Variants in TTC7B observed in about 807,000 individuals in gnomAD.
TTC7B encodes tetratricopeptide repeat domain 7B.
In TTC7B, 28 loss-of-function variants were observed where a neutral mutation model predicts 106.8. The observed-to-expected ratio is 0.26, with a 90% CI of 0.19 to 0.36. TTC7B has a LOEUF of 0.36. Ranked by LOEUF, TTC7B falls within the 10% of genes least tolerant of loss-of-function variation. TTC7B has a pLI of 1.00. For synonymous variants in TTC7B, 405 were observed against 430.6 expected, an observed-to-expected ratio of 0.94 and a Z score of 0.74; for missense variants, 862 against 1,076.4, an observed-to-expected ratio of 0.80 and a Z score of 2.79.
rs1308140895 is a variant in TTC7B, at chr14:90,629,458, G to T, written c.1752-11413C>A. ...AGAGTAGAAATCAAAATGGATAACA[G>T]ATGAAACACAGGCAGACACAAGCTT... is the stretch of plus-strand genomic sequence containing the variant. On this transcript the variant is annotated intron_variant, in intron 15 of 19. Coordinates refer to ENST00000328459, the MANE Select transcript of TTC7B (RefSeq NM_001010854.2). 2.6e-5 allele frequency among the ~76,000 whole-genome samples: 4 copies of T among 152,208 alleles called. No homozygotes were observed. The South Asian group carries it at 8.3e-4, about 32-fold the overall frequency.
rs939652224 is a variant in TTC7B at position 90,527,190 on chromosome 14, C to T, written c.*14178G>A. On this transcript the variant is annotated 3_prime_UTR_variant, in exon 20 of 20. Transcript: ENST00000328459. ...TATCTGGGGGTACCTGGTATTCACA[C>T]GACTCATCACTGGGAATGCTGACCT... 9.2e-5 allele frequency: 14 copies of T among 151,968 alleles called. No homozygotes were observed. The highest frequency in any genetic ancestry group is 2.6e-4 in the Admixed American group (4 of 15,242). 9.4% of individuals were successfully genotyped at this position (151,968 alleles called of 1,614,324 possible).
chr14:90,690,409 G>C (rs1342616241), intron 6 of TTC7B, among the ~76,000 whole-genome samples: 1 of 152,186 alleles, frequency 6.6e-6, no homozygotes, highest in Non-Finnish European at 1.5e-5. Flanking sequence ...TCTGGATCCT[G>C]TCCTCCAAGT....
intron 14 of TTC7B, among the ~76,000 whole-genome samples, 162 bp from the exon 15 acceptor site, chr14:90,644,370 TTTATGGCAGCCCCAGGATA>T (rs1164967275): frequency 1.2e-4 from 19 of 152,206 alleles, no homozygotes; most frequent in African/African-American, 3.9e-4. Flanking sequence ...AAGCCAAATC[TTTATGGCAGCCCCAGGATA>T]TTAACCACAA....
chr14:90,622,398 C>T (rs868624831), intron 15 of TTC7B, among the ~76,000 whole-genome samples: 1 of 150,936 alleles, frequency 6.6e-6, no homozygotes, highest in South Asian at 2.2e-4. Flanking sequence ...GGATTACAGG[C>T]ATGAGCCACC....
In TTC7B at chr14:90,780,885, T is replaced by G. The variant is rs767362110; in HGVS notation, c.298A>C (p.Asn100His). The G allele has an allele frequency of 6.2e-7, 1 of 1,614,066 alleles. No individual in the cohort carries two copies. Among genetic ancestry groups the G allele is most frequent in the Non-Finnish European group, 8.5e-7 (1 of 1,180,034 alleles). Residue 100 changes from asparagine to histidine, a missense_variant, in exon 3 of 20, where the codon AAT becomes CAT. Asn to His is a moderately conservative substitution (Grantham distance 68, BLOSUM62 1). Coordinates refer to ENST00000328459, the MANE Select transcript of TTC7B (RefSeq NM_001010854.2). ...NLKSEFLQES[N>H]LIMAKLNYVE... Reference sequence around the variant, plus strand: ...TAATTCAACTTGGCCATGATCAGATTGGATTCTTGTAGGAATTCTGACTAG... The same window carrying G: ...TAATTCAACTTGGCCATGATCAGATGGGATTCTTGTAGGAATTCTGACTAG...
Position 90,767,042 on chromosome 14 carries a change from A to G in TTC7B, c.445+13696T>C, listed in dbSNP as rs552352147. 376 of 821,536 alleles carry G rather than the reference A, an allele frequency of 4.6e-4. 1 individual carries two copies. The highest frequency in any genetic ancestry group is 2.3e-3 in the East Asian group (83 of 35,922). The allele number at this position is 821,536 out of a possible 1,614,324, so 50.9% of individuals were successfully genotyped here. A position where few individuals can be genotyped will look rare whatever the true frequency, so the allele number is the denominator to read the frequency against. On this transcript the variant is annotated intron_variant, in intron 3 of 19. Coordinates refer to ENST00000328459, the MANE Select transcript of TTC7B (RefSeq NM_001010854.2). ...AGTTTATATACCAAAAAAAAAAAAA[A>G]AAAGAAAGAAAGGAAGAAAAGAAAT...
chr14:90,617,782 C>G (rs1566800973), intron 16 of TTC7B, 147 bp downstream of exon 16: 2 of 644,798 alleles, frequency 3.1e-6, no homozygotes, highest in African/African-American at 3.6e-5. Context: ...GAGTGTGAAG[C>G]TCCACTGCTA....
intron 9 of TTC7B, among the ~76,000 whole-genome samples, chr14:90,674,157 A>G (rs1331925861): frequency 6.6e-6 from 1 of 152,144 alleles, no homozygotes; most frequent in Non-Finnish European, 1.5e-5. Context: ...GGAAAGGCAG[A>G]TGAGGAGGAA....
intron 19 of TTC7B, among the ~76,000 whole-genome samples, chr14:90,552,182 C>T (rs960930879): frequency 6.6e-6 from 1 of 152,178 alleles, no homozygotes. Context: ...CTCCTGCACA[C>T]CTCTGCCCGT....
At chr14:90,702,903 C>T (rs1888052160) in intron 5 of TTC7B, among the ~76,000 whole-genome samples, 1 of 152,118 alleles carries the variant, frequency 6.6e-6, no homozygotes, top group East Asian at 1.9e-4. Flanking sequence ...GACAGATGAC[C>T]GCGTGTCTGG....
intron 2 of TTC7B, among the ~76,000 whole-genome samples, chr14:90,785,575 G>A (rs1891358655): frequency 6.6e-6 from 1 of 152,168 alleles, no homozygotes; most frequent in South Asian, 2.1e-4. Context: ...CAAGAAGAAA[G>A]GAAGGAAAGC....
At chr14:90,758,932 A>G (rs1161753648) in intron 3 of TTC7B, among the ~76,000 whole-genome samples, 1 of 152,220 alleles carries the variant, frequency 6.6e-6, no homozygotes, top group Non-Finnish European at 1.5e-5. Flanking sequence ...CAGTGTCTAG[A>G]AGGAATTATT....
chr14:90,635,048 A>G (rs961730680), intron 15 of TTC7B, among the ~76,000 whole-genome samples: 1 of 152,192 alleles, frequency 6.6e-6, no homozygotes, highest in East Asian at 1.9e-4. Context: ...AAGGAGCAAG[A>G]TCACTTGTGC....
At chr14:90,694,925 A>C (rs1190241147) in intron 6 of TTC7B, among the ~76,000 whole-genome samples, 1 of 19,672 alleles carries the variant, frequency 5.1e-5, no homozygotes, top group East Asian at 0.016. Context: ...TATTATAAAT[A>C]TATGTATAAT....
chr14:90,709,045 GGA>G (rs1888327456), intron 5 of TTC7B, among the ~76,000 whole-genome samples: 1 of 151,650 alleles, frequency 6.6e-6, no homozygotes, highest in African/African-American at 2.4e-5. Flanking sequence ...AACAGGTGCT[GGA>G]GAGGATGTGG....
chr14:90,642,979 T>A (rs139161625), intron 15 of TTC7B, among the ~76,000 whole-genome samples: 7 of 152,192 alleles, frequency 4.6e-5, no homozygotes, highest in Admixed American at 3.9e-4. Context: ...ACATCACTTC[T>A]GCCATATCCA....
intron 13 of TTC7B, 89 bp from the exon 14 acceptor site, chr14:90,647,112 T>C: frequency 9.0e-7 from 1 of 1,107,034 alleles, no homozygotes; most frequent in Non-Finnish European, 1.4e-6. Context: ...ATTTGCATTC[T>C]TATACTAAGG....
intron 13 of TTC7B, among the ~76,000 whole-genome samples, chr14:90,651,775 T>C (rs1010953195): frequency 6.6e-6 from 1 of 152,090 alleles, no homozygotes; most frequent in Non-Finnish European, 1.5e-5. Context: ...GAAACAGAAA[T>C]GAGACGGAAG....
intron 7 of TTC7B, among the ~76,000 whole-genome samples, chr14:90,687,697 G>C (rs1269322307): frequency 6.6e-6 from 1 of 152,172 alleles, no homozygotes; most frequent in Non-Finnish European, 1.5e-5. Flanking sequence ...AAAATTGCTA[G>C]AACAGATGTT....
Sources: gnomAD v4.1 joint callset for allele counts (sites outside exome capture counted in the v4.1 genomes callset) on GRCh38, gnomAD v4.1.1 for gene constraint, MANE v1.5 for transcripts, NCBI Gene and HGNC (gene_info 2026-07-23, HGNC 2026-07-21) for gene names.